Variants in AFAP1L1 observed in about 807,000 individuals in gnomAD.
AFAP1L1 encodes actin filament-associated protein 1-like 1.
A neutral mutation model predicts 99.8 loss-of-function variants in AFAP1L1; 77 were observed. That is an observed-to-expected ratio of 0.77 (90% CI 0.64 to 0.93). The LOEUF (loss-of-function observed/expected upper bound fraction) is 0.93, where lower values mean the gene tolerates loss of function less well. AFAP1L1 is among the 40% of genes least tolerant of loss of function. AFAP1L1 has a pLI of 0.00. For missense variants in AFAP1L1, 893 were observed against 996.8 expected, an observed-to-expected ratio of 0.90 and a Z score of 1.40; for synonymous variants, 373 against 395.3, an observed-to-expected ratio of 0.94 and a Z score of 0.67.
rs1581341691 is a variant in AFAP1L1, at chr5:149,329,718, G to A, written c.1863G>A (p.Arg621=). 1 of 1,614,086 alleles carries A rather than the reference G, an allele frequency of 6.2e-7. No individual in the cohort carries two copies. The highest frequency in any genetic ancestry group is 8.5e-7 in the Non-Finnish European group (1 of 1,180,018). Residue 621 remains arginine, a synonymous_variant, in exon 16 of 19, where the codon AGG becomes AGA. Transcript: ENST00000296721. ...GKNRAEEDAR[R]YLVEKEKLEK... The stretch of plus-strand genomic sequence containing the variant: ...ACCGAGCCGAGGAGGATGCCCGGAG[G>A]TACTTGGTAGAAAAAGAGAAGCTGG...
At chr5:149,330,816 CACAG>C (rs1354305925) in intron 16 of AFAP1L1, among the ~76,000 whole-genome samples, 4 of 152,020 alleles carry the variant, frequency 2.6e-5, no homozygotes, top group Non-Finnish European at 5.9e-5. Flanking sequence ...TATTGTTTGC[CACAG>C]ACACACAAAT....
At chr5:149,314,138 T>C (rs933680678) in intron 9 of AFAP1L1, among the ~76,000 whole-genome samples, 2 of 152,062 alleles carry the variant, frequency 1.3e-5, no homozygotes, top group Admixed American at 6.6e-5. Context: ...AGCAAAGGTA[T>C]GGGATGAGGC....
At chr5:149,299,740 AC>A in intron 2 of AFAP1L1, 103 bp downstream of exon 2, 2 of 1,481,492 alleles carry the variant, frequency 1.3e-6, no homozygotes, top group Middle Eastern at 1.8e-4. Context: ...CCCCACCCCC[AC>A]CCCCAGGGGC....
At position 149,342,238 on chromosome 5, in the gene AFAP1L1, T is replaced by A. The variant is rs983527838; in HGVS notation, c.*2208T>A. On this transcript the variant is annotated 3_prime_UTR_variant, in exon 19 of 19. Coordinates refer to ENST00000296721, the MANE Select transcript of AFAP1L1 (RefSeq NM_152406.4). ...CCAGTCCTGGTGCTAACTAACCACT[T>A]TTCTAGGTATTATCCCTTTAGTTTT... is the stretch of plus-strand genomic sequence containing the variant. 6.6e-6 allele frequency among the ~76,000 whole-genome samples: 1 copy of A among 152,328 alleles called. No individual in the cohort carries two copies. Among genetic ancestry groups the A allele is most frequent in the African/African-American group, 2.4e-5 (1 of 41,578 alleles).
chr5:149,330,360 A>G (rs1268871724), intron 16 of AFAP1L1, among the ~76,000 whole-genome samples: 1 of 152,186 alleles, frequency 6.6e-6, no homozygotes, highest in Non-Finnish European at 1.5e-5. Context: ...CTGTAGTTTG[A>G]CACACTTTAA....
chr5:149,274,367 A>G (rs1262044554), intron 1 of AFAP1L1, among the ~76,000 whole-genome samples: 1 of 152,202 alleles, frequency 6.6e-6, no homozygotes. Flanking sequence ...ACATTGCTGT[A>G]CAAGTAATCA....
intron 1 of AFAP1L1, among the ~76,000 whole-genome samples, chr5:149,285,919 C>T (rs1305703782): frequency 6.6e-6 from 1 of 152,192 alleles, no homozygotes; most frequent in Non-Finnish European, 1.5e-5. Context: ...AGCCCCTCCC[C>T]AGTGCACCTG....
At position 149,287,157 on chromosome 5, in the gene AFAP1L1, C is replaced by A. The variant is rs899087621; in HGVS notation, c.17-12352C>A. Among the ~76,000 whole-genome samples the A allele has an allele frequency of 3.9e-5, 6 of 152,202 alleles. No homozygotes were observed. The South Asian group carries it at 8.3e-4, about 21-fold the overall frequency. On this transcript the variant is annotated intron_variant, in intron 1 of 18. Coordinates refer to ENST00000296721, the MANE Select transcript of AFAP1L1 (RefSeq NM_152406.4). ...AATGAATGAACACGATGACAAGCAG[C>A]AATATGGATAAATCTTAGCAGCATA...
chr5:149,291,907 G>A (rs985216781), intron 1 of AFAP1L1, among the ~76,000 whole-genome samples: 1 of 152,208 alleles, frequency 6.6e-6, no homozygotes, highest in African/African-American at 2.4e-5. Context: ...CAGTCTCACA[G>A]TGGTCTTTTT....
rs760661630 is a variant in AFAP1L1 at position 149,317,918 on chromosome 5, G to A, written c.1457G>A (p.Arg486Gln). The A allele has an allele frequency of 1.5e-5, 23 of 1,576,632 alleles. No homozygotes were observed. Among genetic ancestry groups the A allele is most frequent in the East Asian group, 7.0e-5 (3 of 42,796 alleles). Residue 486 changes from arginine (R) to glutamine (Q), a missense_variant, in exon 12 of 19, where the codon CGG becomes CAG. Coordinates refer to ENST00000296721, the MANE Select transcript of AFAP1L1 (RefSeq NM_152406.4). Reference protein sequence around the residue: ...HPFAFRILRNRQEVAILEASC... With the variant: ...HPFAFRILRNQQEVAILEASC... ...TTTGCCTTCAGGATCCTGCGCAACC[G>A]GCAGGAGGTGGCCATCTTGGAGGTG...
At chr5:149,310,689 G>A (rs903590325) in intron 8 of AFAP1L1, among the ~76,000 whole-genome samples, 4 of 152,262 alleles carry the variant, frequency 2.6e-5, no homozygotes, top group East Asian at 1.9e-4. Flanking sequence ...TTCCCATTTC[G>A]CAGATGAGGA....
chr5:149,340,212 A>AG lies in AFAP1L1; in HGVS notation c.*185dup. On this transcript the variant is annotated 3_prime_UTR_variant, in exon 19 of 19. Coordinates refer to ENST00000296721, the MANE Select transcript of AFAP1L1 (RefSeq NM_152406.4). ...GGGATATGGGGAGGGAACAAGTAGA[A>AG]GGGAAGAGGGAAATGGAGAGCATCC... 1 of 615,754 alleles carries AG rather than the reference A, an allele frequency of 1.6e-6. No homozygotes were observed. The highest frequency in any genetic ancestry group is 2.9e-6 in the Non-Finnish European group (1 of 350,800). The allele number at this position is 615,754 out of a possible 1,614,324, so 38.1% of individuals were successfully genotyped here. A position where few individuals can be genotyped will look rare whatever the true frequency, so the allele number is the denominator to read the frequency against.
At chr5:149,291,174 G>T (rs945496899) in intron 1 of AFAP1L1, among the ~76,000 whole-genome samples, 8 of 152,260 alleles carry the variant, frequency 5.3e-5, no homozygotes, top group Admixed American at 4.6e-4. Flanking sequence ...AAAAAGAACA[G>T]CTCTTCAAAG....
chr5:149,301,005 G>T (rs1186370871), intron 3 of AFAP1L1, 128 bp from the exon 4 acceptor site: 1 of 682,980 alleles, frequency 1.5e-6, no homozygotes, highest in East Asian at 2.6e-5. Flanking sequence ...TTTGTTTAGG[G>T]TTACTAACGG....
intron 7 of AFAP1L1, among the ~76,000 whole-genome samples, chr5:149,309,648 T>G (rs1756548966): frequency 6.6e-6 from 1 of 152,176 alleles, no homozygotes; most frequent in South Asian, 2.1e-4. Flanking sequence ...ACTGGCTTCC[T>G]CCCGAGCCAG....
intron 9 of AFAP1L1, 160 bp downstream of exon 9, chr5:149,312,364 C>T (rs1339566715): frequency 4.1e-6 from 3 of 723,138 alleles, no homozygotes; most frequent in Non-Finnish European, 7.4e-6. Context: ...TAATAAATGT[C>T]TCCTGAATTC....
chr5:149,286,094 G>A (rs1205991187), intron 1 of AFAP1L1, among the ~76,000 whole-genome samples: 1 of 152,172 alleles, frequency 6.6e-6, no homozygotes, highest in Non-Finnish European at 1.5e-5. Context: ...GGAGGAAGTG[G>A]CATCTAAACC....
intron 1 of AFAP1L1, among the ~76,000 whole-genome samples, chr5:149,283,843 AGCCTGATG>A (rs1755596771): frequency 6.6e-6 from 1 of 152,192 alleles, no homozygotes; most frequent in African/African-American, 2.4e-5. Flanking sequence ...GAAGCCAGAG[AGCCTGATG>A]GCCTTTCCTC....
intron 1 of AFAP1L1, among the ~76,000 whole-genome samples, chr5:149,287,478 A>G (rs1336327577): frequency 1.3e-5 from 2 of 152,184 alleles, no homozygotes; most frequent in African/African-American, 4.8e-5. Flanking sequence ...AACTACATAA[A>G]TAAATAACTA....
Sources: allele counts gnomAD v4.1 joint callset (sites outside exome capture counted in the v4.1 genomes callset), GRCh38; gene constraint gnomAD v4.1.1; transcripts MANE v1.5; gene names NCBI Gene and HGNC (gene_info 2026-07-23, HGNC 2026-07-21).